The following FBXL20 variants were observed in gnomAD, a reference collection of about 807,000 sequenced individuals.
The protein encoded by FBXL20 is F-box/LRR-repeat protein 20.
A neutral mutation model predicts 64.0 loss-of-function variants in FBXL20; 11 were observed. That is an observed-to-expected ratio of 0.17 (90% CI 0.11 to 0.28). The LOEUF (loss-of-function observed/expected upper bound fraction) is 0.28, where lower values mean the gene tolerates loss of function less well. Ranked by LOEUF, FBXL20 falls within the 10% of genes least tolerant of loss-of-function variation. The probability of loss-of-function intolerance (pLI) is 1.00; values close to 1 mark genes in which losing one functional copy is unlikely to be tolerated. For missense variants in FBXL20, 303 were observed against 526.2 expected (o/e 0.58, Z 4.15); for synonymous variants, 184 against 189.0 (o/e 0.97, Z 0.22).
intron 1 of FBXL20, among the ~76,000 whole-genome samples, chr17:39,363,692 T>A (rs2047822117): frequency 6.6e-6 from 1 of 150,898 alleles, no homozygotes; most frequent in Non-Finnish European, 1.5e-5. Flanking sequence ...ATGTCAATAG[T>A]CCCAGCTACT....
At position 39,401,558 on chromosome 17, in the gene FBXL20, C is replaced by T; in HGVS notation, c.-156G>A. ...GGAACAAGAGACCTCTCGGCTCCGG[C>T]TAGGCCTCCACCACCTCCCGCGGCG... On this transcript the variant is annotated 5_prime_UTR_variant, in exon 1 of 15. Coordinates refer to ENST00000264658, the MANE Select transcript of FBXL20 (RefSeq NM_032875.3). 7.1e-7 allele frequency: 1 copy of T among 1,417,160 alleles called. No individual in the cohort carries two copies. Among genetic ancestry groups the T allele is most frequent in the East Asian group, 2.8e-5 (1 of 36,342 alleles). The allele number at this position is 1,417,160 out of a possible 1,614,324, so 87.8% of individuals were successfully genotyped here. A position where few individuals can be genotyped will look rare whatever the true frequency, so the allele number is the denominator to read the frequency against.
chr17:39,372,551 C>G (rs1015620379), intron 1 of FBXL20, among the ~76,000 whole-genome samples: 1 of 139,730 alleles, frequency 7.2e-6, no homozygotes, highest in Non-Finnish European at 1.5e-5. Context: ...AATTGGTAAT[C>G]TTTTAAGGCA....
At chr17:39,398,297 A>AAAC (rs375720467) in intron 1 of FBXL20, among the ~76,000 whole-genome samples, 2 of 152,092 alleles carry the variant, frequency 1.3e-5, no homozygotes, top group African/African-American at 2.4e-5. Context: ...AAAAGCAACA[A>AAAC]AACAACAACA....
chr17:39,383,364 T>G (rs1442089462), intron 1 of FBXL20, among the ~76,000 whole-genome samples: 1 of 152,076 alleles, frequency 6.6e-6, no homozygotes, highest in Non-Finnish European at 1.5e-5. Context: ...CTCATGCCTA[T>G]AATCTTAACA....
intron 2 of FBXL20, among the ~76,000 whole-genome samples, chr17:39,316,601 A>G (rs967606614): frequency 1.3e-5 from 2 of 152,226 alleles, no homozygotes; most frequent in African/African-American, 2.4e-5. Flanking sequence ...CCTGAATATG[A>G]AAACAAACGA....
At chr17:39,381,865 G>C (rs1231498785) in intron 1 of FBXL20, among the ~76,000 whole-genome samples, 2 of 150,462 alleles carry the variant, frequency 1.3e-5, no homozygotes, top group African/African-American at 2.4e-5. Flanking sequence ...GGGAAGCCGA[G>C]GGGGGCGGAT....
At chr17:39,327,424 GA>G (rs747071697) in intron 2 of FBXL20, among the ~76,000 whole-genome samples, 13 of 151,962 alleles carry the variant, frequency 8.6e-5, no homozygotes, top group East Asian at 5.8e-4. Context: ...CTTGGAGAAA[GA>G]AAAAAATACA....
At chr17:39,284,760 T>G (rs1278183030) in intron 7 of FBXL20, among the ~76,000 whole-genome samples, 1 of 152,122 alleles carries the variant, frequency 6.6e-6, no homozygotes, top group Non-Finnish European at 1.5e-5. Flanking sequence ...ACATGAAAAC[T>G]GTCAAATACT....
At chr17:39,378,548 A>G (rs2144649879) in intron 1 of FBXL20, among the ~76,000 whole-genome samples, 1 of 152,318 alleles carries the variant, frequency 6.6e-6, no homozygotes, top group South Asian at 2.1e-4. Context: ...ATCATTCATT[A>G]GACAATTACA....
At chr17:39,277,413 T>C (rs1322036460) in intron 9 of FBXL20, among the ~76,000 whole-genome samples, 2 of 152,126 alleles carry the variant, frequency 1.3e-5, no homozygotes, top group African/African-American at 4.8e-5. Flanking sequence ...TTGTATGTTA[T>C]AAGAGAGTAC....
chr17:39,305,405 A>G (rs1256373206), intron 2 of FBXL20, among the ~76,000 whole-genome samples: 1 of 152,200 alleles, frequency 6.6e-6, no homozygotes, highest in Non-Finnish European at 1.5e-5. Context: ...GGAATCCTGG[A>G]AATAAAAGTG....
intron 1 of FBXL20, among the ~76,000 whole-genome samples, chr17:39,348,602 A>T (rs1234328527): frequency 6.6e-6 from 1 of 152,134 alleles, no homozygotes; most frequent in Admixed American, 6.6e-5. Context: ...AGGTTCTTCT[A>T]ATGTTCTTAA....
intron 1 of FBXL20, among the ~76,000 whole-genome samples, chr17:39,385,245 G>GCACA (rs143104131): frequency 9.9e-4 from 148 of 150,146 alleles, no homozygotes; most frequent in African/African-American, 3.4e-3. Flanking sequence ...GCGCGTGCGT[G>GCACA]CACACACACA....
chr17:39,377,777 A>T lies in FBXL20; in HGVS notation c.42+23584T>A, dbSNP rs138227645. ...CTAGGCCTCCCAAAGTGCTGGGATT[A>T]CAGGCGTAAGCCACCGTGCCCAGCC... On this transcript the variant is annotated intron_variant, in intron 1 of 14. Coordinates refer to ENST00000264658, the MANE Select transcript of FBXL20 (RefSeq NM_032875.3). 2.7e-3 allele frequency among the ~76,000 whole-genome samples: 414 copies of T among 152,284 alleles called. 1 individual carries two copies. The highest frequency in any genetic ancestry group is 9.3e-3 in the African/African-American group (386 of 41,558).
At chr17:39,274,832 G>T in intron 10 of FBXL20, 138 bp downstream of exon 10, 1 of 994,282 alleles carries the variant, frequency 1.0e-6, no homozygotes, top group Non-Finnish European at 1.5e-6. Flanking sequence ...GGAAGTAGGT[G>T]GGCATCTAAA....
intron 2 of FBXL20, among the ~76,000 whole-genome samples, chr17:39,333,816 G>A (rs2047490564): frequency 6.6e-6 from 1 of 151,790 alleles, no homozygotes; most frequent in African/African-American, 2.4e-5. Flanking sequence ...GGGAACTGAG[G>A]AGTGTCTCTG....
At position 39,363,823 on chromosome 17, in the gene FBXL20, A is replaced by AC. The variant is rs1372199389; in HGVS notation, c.43-20583_43-20582insG. Reference sequence around the variant, plus strand: ...AAGACTTTATCTCAAAAAAAAAAAAAAAACAAAAAACAAAAAAAAAAACAA... The same window carrying AC: ...AAGACTTTATCTCAAAAAAAAAAAAACAAACAAAAAACAAAAAAAAAAACAA... On this transcript the variant is annotated intron_variant, in intron 1 of 14. Coordinates refer to ENST00000264658, the MANE Select transcript of FBXL20 (RefSeq NM_032875.3). Among the ~76,000 whole-genome samples, 7 of 123,726 alleles carry AC rather than the reference A, an allele frequency of 5.7e-5. No homozygotes were observed. In the South Asian group the frequency reaches 6.6e-4, roughly 12 times the overall value. The allele number at this position is 123,726 out of a possible 152,430, so 81.2% of individuals were successfully genotyped here.
chr17:39,368,818 G>A (rs2047887005), intron 1 of FBXL20, among the ~76,000 whole-genome samples: 1 of 152,018 alleles, frequency 6.6e-6, no homozygotes, highest in African/African-American at 2.4e-5. Context: ...ACCACACCGG[G>A]CTAATTTTTT....
intron 1 of FBXL20, among the ~76,000 whole-genome samples, chr17:39,374,208 A>G (rs1011102511): frequency 6.7e-6 from 1 of 149,338 alleles, no homozygotes; most frequent in Non-Finnish European, 1.5e-5. Flanking sequence ...CTGGGCGACA[A>G]AGCAAAACTA....
Sources: gnomAD v4.1 joint callset for allele counts (sites outside exome capture counted in the v4.1 genomes callset) on GRCh38, gnomAD v4.1.1 for gene constraint, MANE v1.5 for transcripts, NCBI Gene and HGNC (gene_info 2026-07-23, HGNC 2026-07-21) for gene names.